The following FAM186A variants were observed in gnomAD, a reference collection of about 807,000 sequenced individuals.
The protein encoded by FAM186A is family with sequence similarity 186 member A, also known as protein FAM186A.
FAM186A carries 163 observed loss-of-function variants against 216.8 expected under a neutral mutation model. The ratio of observed to expected loss-of-function variants is 0.75; its 90% CI spans 0.66 to 0.86. FAM186A has a LOEUF of 0.86. Ranked by LOEUF, FAM186A falls within the 40% of genes least tolerant of loss-of-function variation. The pLI, the probability that FAM186A is intolerant of heterozygous loss-of-function variation, is 0.00. For missense variants in FAM186A, 2,184 were observed against 2,746.2 expected, an observed-to-expected ratio of 0.80 and a Z score of 4.58; for synonymous variants, 805 against 1,025.3, an observed-to-expected ratio of 0.79 and a Z score of 4.10.
intron 4 of FAM186A, among the ~76,000 whole-genome samples, chr12:50,340,955 C>G (rs1942757422): frequency 6.6e-6 from 1 of 152,164 alleles, no homozygotes; most frequent in African/African-American, 2.4e-5. Context: ...CGCCATCATG[C>G]CCAGCTAATT....
intron 1 of FAM186A, among the ~76,000 whole-genome samples, chr12:50,364,037 T>G (rs1471856621): frequency 6.6e-6 from 1 of 152,150 alleles, no homozygotes; most frequent in African/African-American, 2.4e-5. Flanking sequence ...CTTGGAAATT[T>G]GTGAAATCAT....
chr12:50,333,191 A>T (rs1284101091), intron 5 of FAM186A, among the ~76,000 whole-genome samples: 2 of 152,186 alleles, frequency 1.3e-5, no homozygotes, highest in Non-Finnish European at 2.9e-5. Flanking sequence ...AAAGACAAGG[A>T]TATACAGATA....
rs1388193525 is a variant in FAM186A at position 50,338,387 on chromosome 12, G to A, written c.6504-4284C>T. Among the ~76,000 whole-genome samples the A allele has an allele frequency of 2.0e-5, 3 of 152,200 alleles. No individual in the cohort carries two copies. In the East Asian group the frequency reaches 5.8e-4, roughly 29 times the overall value. On this transcript the variant is annotated intron_variant, in intron 4 of 7. Transcript: ENST00000327337. ...ATCTAATTTTTGTATTTTTAGCAGA[G>A]ACGGGGTTTCACCATGTTGGCTAGG...
chr12:50,339,518 A>G (rs1344128553), intron 4 of FAM186A, among the ~76,000 whole-genome samples: 2 of 152,096 alleles, frequency 1.3e-5, no homozygotes, highest in Non-Finnish European at 2.9e-5. Context: ...ATGCCTCTGT[A>G]TGAGCTTTAC....
At chr12:50,391,208 T>TA (rs946288890) in intron 1 of FAM186A, among the ~76,000 whole-genome samples, 1 of 150,048 alleles carries the variant, frequency 6.7e-6, no homozygotes, top group African/African-American at 2.5e-5. Context: ...AGGCTGGTCT[T>TA]AAACTCCTGA....
chr12:50,383,900 A>T (rs770254899), intron 1 of FAM186A, among the ~76,000 whole-genome samples: 13 of 152,276 alleles, frequency 8.5e-5, no homozygotes, highest in Non-Finnish European at 1.6e-4. Context: ...CAGGCGGATC[A>T]CGAAGCCAGG....
intron 4 of FAM186A, among the ~76,000 whole-genome samples, chr12:50,336,226 T>C (rs942544268): frequency 6.6e-6 from 1 of 152,094 alleles, no homozygotes; most frequent in Non-Finnish European, 1.5e-5. Flanking sequence ...TCTCTCTCCC[T>C]ACTGCCCTCC....
chr12:50,359,169 C>T (rs756280205), intron 3 of FAM186A, among the ~76,000 whole-genome samples: 2 of 151,782 alleles, frequency 1.3e-5, no homozygotes, highest in Non-Finnish European at 2.9e-5. Context: ...GAGGCAGAGG[C>T]GGGTGGATCA....
chr12:50,368,784 T>A (rs981084018), intron 1 of FAM186A, among the ~76,000 whole-genome samples: 2 of 152,018 alleles, frequency 1.3e-5, no homozygotes, highest in Non-Finnish European at 2.9e-5. Context: ...CAAAGCTACA[T>A]TAATCAAAAT....
In FAM186A at chr12:50,351,612, C is replaced by T. The variant is rs1479648064; in HGVS notation, c.5220G>A (p.Leu1740=). 1.2e-5 allele frequency: 19 copies of T among 1,551,502 alleles called. No individual in the cohort carries two copies. The highest frequency in any genetic ancestry group is 3.9e-5 in the Admixed American group (2 of 50,978). ...SRLSPSLRLS[L]ASSAPTAEKS... is the part of the protein sequence containing the mutation. Reference sequence around the variant, plus strand: ...TCTCAGCAGTAGGAGCTGATGATGCCAGGGACAGCCTAAGACTTGGAGACA... The same window carrying T: ...TCTCAGCAGTAGGAGCTGATGATGCTAGGGACAGCCTAAGACTTGGAGACA... The change falls in exon 4 of 8, where the codon CTG becomes CTA. Residue 1740 remains leucine (L), a synonymous_variant. Transcript: ENST00000327337.
intron 1 of FAM186A, among the ~76,000 whole-genome samples, chr12:50,367,803 C>A (rs536444387): frequency 1.3e-5 from 2 of 151,900 alleles, no homozygotes; most frequent in Non-Finnish European, 2.9e-5. Flanking sequence ...TAACACTGAG[C>A]AATATGAAAA....
rs1295730403 is a variant in FAM186A at position 50,353,991 on chromosome 12, C to T, written c.2841G>A (p.Arg947=). The change falls in exon 4 of 8, where the codon AGG becomes AGA. Residue 947 remains arginine, a synonymous_variant. Coordinates refer to ENST00000327337, the MANE Select transcript of FAM186A (RefSeq NM_001145475.3). The stretch of plus-strand genomic sequence containing the variant: ...AATGTTTCGCTTCCTTCTGAATCTG[C>T]CTCATCTGTCCATTCTCCTTTTCCA... The part of the protein sequence containing the change: ...LLLEKENGQM[R]QIQKEAKHLG... The T allele has an allele frequency of 3.9e-6, 6 of 1,551,894 alleles. No individual in the cohort carries two copies. In the Admixed American group the frequency reaches 5.9e-5, roughly 15 times the overall value.
chr12:50,353,371 G>A lies in FAM186A; in HGVS notation c.3461C>T (p.Ala1154Val), dbSNP rs1796357936. The A allele has an allele frequency of 6.5e-7, 1 of 1,533,162 alleles. No individual in the cohort carries two copies. The highest frequency in any genetic ancestry group is 1.2e-5 in the South Asian group (1 of 82,114). The allele number at this position is 1,533,162 out of a possible 1,614,324, so 95.0% of individuals were successfully genotyped here. Residue 1154 changes from alanine (A) to valine (V), a missense_variant, in exon 4 of 8, where the codon GCC becomes GTC. Physicochemically the swap from Ala to Val is moderately conservative, Grantham distance 64. Coordinates refer to ENST00000327337, the MANE Select transcript of FAM186A (RefSeq NM_001145475.3). ...GITLTPQQDQ[A>V]PGISLTTQQA... ...CTGAGTGGTGAGAGAGATCCCCGGG[G>A]CCTGGTCCTGCTGAGGGGTGAGAGT...
chr12:50,365,655 A>C (rs1327552758), intron 1 of FAM186A: 6 of 504,788 alleles, frequency 1.2e-5, no homozygotes, highest in Non-Finnish European at 2.1e-5. Flanking sequence ...GGCCAAAATG[A>C]AGTTCAGTCC....
At chr12:50,386,641 C>T (rs909071140) in intron 1 of FAM186A, among the ~76,000 whole-genome samples, 3 of 152,100 alleles carry the variant, frequency 2.0e-5, no homozygotes, top group Non-Finnish European at 2.9e-5. Context: ...AGGCAGATCA[C>T]TTAACGTCAG....
At chr12:50,391,091 CA>C (rs1217160121) in intron 1 of FAM186A, among the ~76,000 whole-genome samples, 2 of 151,850 alleles carry the variant, frequency 1.3e-5, no homozygotes, top group Non-Finnish European at 2.9e-5. Flanking sequence ...CAGATTCAAG[CA>C]ATTTTCCTGC....
At chr12:50,335,880 C>T (rs763171094) in intron 4 of FAM186A, among the ~76,000 whole-genome samples, 1 of 152,006 alleles carries the variant, frequency 6.6e-6, no homozygotes, top group Non-Finnish European at 1.5e-5. Flanking sequence ...AATCCCAGCA[C>T]TTTGGGAGGC....
Position 50,354,199 on chromosome 12 carries a change from T to G in FAM186A, c.2633A>C (p.Gln878Pro). ...LQMKEGKQEQ[Q>P]SQKQWQEEEM... ...TTCTTCCTGCCACTGTTTCTGGCTCTGTTGTTCTTGCTTTCCCTCCTTCAT... is the reference window on the plus strand; with the variant it reads ...TTCTTCCTGCCACTGTTTCTGGCTCGGTTGTTCTTGCTTTCCCTCCTTCAT... The change falls in exon 4 of 8, where the codon CAG (glutamine) becomes CCG (proline). Residue 878 changes from glutamine to proline, a missense_variant. Around this residue, in one of 7 missense-constraint regions of FAM186A, gnomAD observed 1,132 missense variants for 1,263.4 expected, o/e 0.90. Transcript: ENST00000327337. The G allele has an allele frequency of 1.3e-6, 2 of 1,551,738 alleles. No homozygotes were observed. The highest frequency in any genetic ancestry group is 1.7e-6 in the Non-Finnish European group (2 of 1,146,996).
At position 50,355,297 on chromosome 12, in the gene FAM186A, T is replaced by C. The variant is rs1262507558; in HGVS notation, c.1535A>G (p.Asp512Gly). The change falls in exon 4 of 8, where the codon GAT (aspartate) becomes GGT (glycine). Residue 512 changes from aspartate (D) to glycine (G), a missense_variant. Physicochemically the swap from Asp to Gly is moderately conservative, Grantham distance 94. Around this residue, in one of 7 missense-constraint regions of FAM186A, gnomAD observed 1,132 missense variants for 1,263.4 expected, o/e 0.90. Coordinates refer to ENST00000327337, the MANE Select transcript of FAM186A (RefSeq NM_001145475.3). ...TGCTTCAGTGGGTGACTTTGATTTA[T>C]CTTCAGAAAAGGATTTCATTTCTTT... ...KRKEMKSFSEDKSKSPTEAKR... is the reference protein window; with the variant it reads ...KRKEMKSFSEGKSKSPTEAKR... 1 of 1,550,880 alleles carries C rather than the reference T, an allele frequency of 6.4e-7. No homozygotes were observed. Among genetic ancestry groups the C allele is most frequent in the Non-Finnish European group, 8.7e-7 (1 of 1,146,888 alleles).
Sources: gnomAD v4.1 joint callset for allele counts (sites outside exome capture counted in the v4.1 genomes callset) on GRCh38, gnomAD v4.1.1 for gene constraint, gnomAD v4.1.1 regional missense constraint, MANE v1.5 for transcripts, NCBI Gene and HGNC (gene_info 2026-07-23, HGNC 2026-07-21) for gene names.